Variants in ERC1 observed in about 807,000 individuals in gnomAD.
The protein encoded by ERC1 is RAB6 interacting protein 2.
In ERC1, 56 loss-of-function variants were observed where a neutral mutation model predicts 132.0. The observed-to-expected ratio is 0.42, with a 90% confidence interval of 0.34 to 0.53. The LOEUF is 0.53. Among genes scored for constraint, ERC1 ranks in the 20% least tolerant of loss-of-function variants. The probability of loss-of-function intolerance (pLI) is 0.03; values close to 1 mark genes in which losing one functional copy is unlikely to be tolerated. For missense variants in ERC1, 1,202 were observed against 1,349.9 expected (o/e 0.89, Z 1.72); for synonymous variants, 478 against 476.1 (o/e 1.00, Z -0.05).
intron 17 of ERC1, among the ~76,000 whole-genome samples, chr12:1,426,955 G>A (rs1355308034): frequency 6.6e-6 from 1 of 151,912 alleles, no homozygotes; most frequent in African/African-American, 2.4e-5. Flanking sequence ...TCCTTCTAGT[G>A]GCCCACTAGA....
intron 12 of ERC1, among the ~76,000 whole-genome samples, chr12:1,235,005 T>C (rs1004826806): frequency 6.6e-6 from 1 of 152,206 alleles, no homozygotes; most frequent in South Asian, 2.1e-4. Flanking sequence ...TGAACTTTGA[T>C]GGACAAGATT....
intron 15 of ERC1, among the ~76,000 whole-genome samples, chr12:1,313,692 AT>A (rs111876583): frequency 0.035 from 5,280 of 149,166 alleles, 99 homozygotes; most frequent in Middle Eastern, 0.077. Context: ...ATATTCTAAA[AT>A]TTTTTTTTTT....
intron 2 of ERC1, among the ~76,000 whole-genome samples, chr12:1,057,246 C>T (rs1213188379): frequency 6.6e-6 from 1 of 152,120 alleles, no homozygotes; most frequent in Non-Finnish European, 1.5e-5. Context: ...GCCTCAGCCT[C>T]CTGAGTAGCT....
chr12:1,121,693 ATCTCTATCTC>A (rs1947154843), intron 7 of ERC1, among the ~76,000 whole-genome samples: 6 of 59,452 alleles, frequency 1.0e-4, no homozygotes, highest in African/African-American at 3.7e-4. Context: ...CTCTATCTCT[ATCTCTATCTC>A]TATCTGTGTC....
chr12:1,044,320 A>T (rs1474680938), intron 2 of ERC1, among the ~76,000 whole-genome samples: 2 of 152,226 alleles, frequency 1.3e-5, no homozygotes, highest in African/African-American at 4.8e-5. Flanking sequence ...ATTCTCTAAG[A>T]GTCTGTTCAC....
chr12:1,000,487 G>GAA (rs10716503), intron 1 of ERC1, among the ~76,000 whole-genome samples: 21 of 130,706 alleles, frequency 1.6e-4, no homozygotes, highest in African/African-American at 4.2e-4. Context: ...CCCTGTCTCA[G>GAA]AAAAAAAAAA....
intron 15 of ERC1, among the ~76,000 whole-genome samples, chr12:1,315,458 C>T (rs1227363151): frequency 1.3e-5 from 2 of 151,956 alleles, no homozygotes; most frequent in African/African-American, 4.8e-5. Context: ...TCAAGCTATT[C>T]TCCTGCCTCA....
At chr12:1,267,862 T>C (rs1028182173) in intron 14 of ERC1, among the ~76,000 whole-genome samples, 5 of 152,350 alleles carry the variant, frequency 3.3e-5, no homozygotes, top group Non-Finnish European at 7.4e-5. Context: ...ACAGTAATAT[T>C]TTTTCAAATT....
intron 3 of ERC1, among the ~76,000 whole-genome samples, chr12:1,095,264 T>C (rs532822626): frequency 6.6e-6 from 1 of 151,998 alleles, no homozygotes; most frequent in African/African-American, 2.4e-5. Flanking sequence ...ATGCCGTCTC[T>C]ACTAAAAATA....
Position 1,372,659 on chromosome 12 carries a change from G to A in ERC1, c.2925+682G>A, listed in dbSNP as rs544706661. ...GAGAGTGCTGGATGTTTACATCGGA[G>A]CCCTGCTTGAACGGCAGTGCTCCTC... is the stretch of plus-strand genomic sequence containing the variant. On this transcript the variant is annotated intron_variant, in intron 16 of 18. Coordinates refer to ENST00000360905, the MANE Select transcript of ERC1 (RefSeq NM_178040.4). Among the ~76,000 whole-genome samples, 6 of 152,308 alleles carry A rather than the reference G, an allele frequency of 3.9e-5. No individual in the cohort carries two copies. The East Asian group carries it at 1.2e-3, about 29-fold the overall frequency.
chr12:1,298,436 G>A (rs1018379594), intron 15 of ERC1, among the ~76,000 whole-genome samples: 2 of 151,480 alleles, frequency 1.3e-5, no homozygotes, highest in African/African-American at 2.4e-5. Flanking sequence ...CCAGCTACTC[G>A]GGATTCTGAG....
intron 13 of ERC1, among the ~76,000 whole-genome samples, chr12:1,261,039 A>G (rs1362917447): frequency 6.6e-6 from 1 of 152,206 alleles, no homozygotes; most frequent in Non-Finnish European, 1.5e-5. Flanking sequence ...TGAGTTTTAT[A>G]ATGAAACACT....
At chr12:1,180,500 CAT>C (rs1566164429) in intron 8 of ERC1, 38 bp from the exon 9 acceptor site, 1 of 1,588,166 alleles carries the variant, frequency 6.3e-7, no homozygotes, top group Admixed American at 1.7e-5. Flanking sequence ...TTTTTTTATA[CAT>C]GTCCTCTCTT....
At chr12:1,338,715 T>C (rs191236247) in intron 15 of ERC1, among the ~76,000 whole-genome samples, 70 of 152,310 alleles carry the variant, frequency 4.6e-4, no homozygotes, top group Non-Finnish European at 7.9e-4. Context: ...TAGTTTTTTT[T>C]TTCTTCTTCT....
intron 8 of ERC1, among the ~76,000 whole-genome samples, chr12:1,145,472 A>G (rs1950266596): frequency 6.6e-6 from 1 of 152,168 alleles, no homozygotes; most frequent in Non-Finnish European, 1.5e-5. Flanking sequence ...GATTCTGGAT[A>G]TTAGTCCTTT....
At chr12:1,301,482 G>A (rs2080398152) in intron 15 of ERC1, among the ~76,000 whole-genome samples, 2 of 152,186 alleles carry the variant, frequency 1.3e-5, no homozygotes, top group African/African-American at 2.4e-5. Context: ...ATATTGTGCA[G>A]CCATAAAAAC....
chr12:1,204,504 C>A, intron 12 of ERC1: 1 of 1,590,634 alleles, frequency 6.3e-7, no homozygotes, highest in Non-Finnish European at 8.5e-7. Context: ...CCTTCAGTCT[C>A]ACCTCAAGGT....
At chr12:1,484,149 C>T (rs1014370890) in intron 18 of ERC1, among the ~76,000 whole-genome samples, 6 of 151,642 alleles carry the variant, frequency 4.0e-5, no homozygotes, top group South Asian at 2.1e-4. Flanking sequence ...ACTAAAAATA[C>T]AAAAAATTAG....
chr12:1,012,519 C>T (rs959088103), intron 1 of ERC1, among the ~76,000 whole-genome samples: 72 of 136,178 alleles, frequency 5.3e-4, no homozygotes, highest in African/African-American at 1.9e-3. Context: ...TGTCAACAGG[C>T]TGGAGTGTTG....
Sources: allele counts gnomAD v4.1 joint callset (sites outside exome capture counted in the v4.1 genomes callset), GRCh38; gene constraint gnomAD v4.1.1; transcripts MANE v1.5; gene names NCBI Gene and HGNC (gene_info 2026-07-23, HGNC 2026-07-21).